Variants in DCAF1 observed in about 807,000 individuals in gnomAD.
The protein encoded by DCAF1 is DDB1- and CUL4-associated factor 1.
A neutral mutation model predicts 128.0 loss-of-function variants in DCAF1; 15 were observed. The observed-to-expected ratio is 0.12, with a 90% confidence interval of 0.08 to 0.18. DCAF1 has a LOEUF of 0.18. DCAF1 is among the 10% of genes least tolerant of loss of function. The probability of loss-of-function intolerance (pLI) is 1.00; values close to 1 mark genes in which losing one functional copy is unlikely to be tolerated. For synonymous variants in DCAF1, 610 were observed against 603.0 expected, an observed-to-expected ratio of 1.01 and a Z score of -0.17; for missense variants, 988 against 1,649.5, an observed-to-expected ratio of 0.60 and a Z score of 6.95.
intron 6 of DCAF1, among the ~76,000 whole-genome samples, chr3:51,450,293 A>G (rs536152801): frequency 6.6e-6 from 1 of 152,238 alleles, no homozygotes; most frequent in Non-Finnish European, 1.5e-5. Context: ...CAGCATTACC[A>G]AAGCTAAAGA....
rs1222116428 is a variant in DCAF1, at chr3:51,429,318, C to T, written c.1620G>A (p.Lys540=). ...AHLAIKLEQV[K]QSLQRTEGGI... ...CACCCTCAGTCCTCTGAAGTGACTG[C>T]TTCACTTGTTCCAATTTAATGGCCA... Residue 540 remains lysine (K), a synonymous_variant, in exon 12 of 25, where the codon AAG becomes AAA. Coordinates refer to ENST00000684031, the MANE Select transcript of DCAF1 (RefSeq NM_001387579.1). 5.1e-6 allele frequency: 4 copies of T among 780,834 alleles called. No individual in the cohort carries two copies. Among genetic ancestry groups the T allele is most frequent in the Admixed American group, 3.4e-5 (2 of 59,020 alleles). The allele number at this position is 780,834 out of a possible 1,614,324, so 48.4% of individuals were successfully genotyped here.
chr3:51,483,679 G>C, intron 3 of DCAF1, 40 bp downstream of exon 3: 1 of 1,371,644 alleles, frequency 7.3e-7, no homozygotes, highest in Non-Finnish European at 1.0e-6. Context: ...TTGTGTCCGA[G>C]GTTTTTTATT....
chr3:51,462,098 A>G lies in DCAF1; in HGVS notation c.375+1016T>C, dbSNP rs12631677. On this transcript the variant is annotated intron_variant, in intron 6 of 24. Coordinates refer to ENST00000684031, the MANE Select transcript of DCAF1 (RefSeq NM_001387579.1). ...TTAAAAAAAAAAGAAAAGAAAAAAA[A>G]CCACACAACATATAATCTCAAGATT... is the stretch of plus-strand genomic sequence containing the variant. 1.5e-4 allele frequency among the ~76,000 whole-genome samples: 23 copies of G among 152,118 alleles called. No individual in the cohort carries two copies. In the East Asian group the frequency reaches 3.5e-3, roughly 23 times the overall value.
intron 23 of DCAF1, among the ~76,000 whole-genome samples, chr3:51,405,853 CTAAAAATAAT>C (rs752612527): frequency 4.6e-5 from 7 of 152,084 alleles, no homozygotes; most frequent in Non-Finnish European, 8.8e-5. Flanking sequence ...AAAGTAAAAA[CTAAAAATAAT>C]TATTTAATGA....
chr3:51,482,163 T>C lies in DCAF1; in HGVS notation c.110+1556A>G, dbSNP rs191489061. On this transcript the variant is annotated intron_variant, in intron 3 of 24. Coordinates refer to ENST00000684031, the MANE Select transcript of DCAF1 (RefSeq NM_001387579.1). ...TTCAGGTATCTGTAGAAGAGCCAAG[T>C]AGGCCAGCACTGTGGCTTCGCCTGT... is the stretch of plus-strand genomic sequence containing the variant. 5.2e-4 allele frequency among the ~76,000 whole-genome samples: 79 copies of C among 152,052 alleles called. 1 individual carries two copies. Among genetic ancestry groups the C allele is most frequent in the African/African-American group, 1.8e-3 (76 of 41,496 alleles).
At chr3:51,483,880 A>T in intron 2 of DCAF1, 44 bp from the exon 3 acceptor site, 3 of 1,331,980 alleles carry the variant, frequency 2.3e-6, no homozygotes, top group Non-Finnish European at 3.2e-6. Flanking sequence ...CCAATAAATG[A>T]ACACAAGCAA....
chr3:51,439,645 T>C (rs201125134), intron 9 of DCAF1, among the ~76,000 whole-genome samples: 99 of 152,206 alleles, frequency 6.5e-4, no homozygotes, highest in Non-Finnish European at 1.3e-3. Flanking sequence ...TTCTGGTTTC[T>C]ATTTTGTTAA....
intron 13 of DCAF1, among the ~76,000 whole-genome samples, chr3:51,424,807 G>T (rs1553633682): frequency 6.6e-6 from 1 of 152,132 alleles, no homozygotes; most frequent in Non-Finnish European, 1.5e-5. Context: ...TATTATTTAT[G>T]AACACACAGA....
At chr3:51,482,265 G>C (rs1706297241) in intron 3 of DCAF1, among the ~76,000 whole-genome samples, 1 of 149,868 alleles carries the variant, frequency 6.7e-6, no homozygotes. Flanking sequence ...GGTAACACAG[G>C]GAGACCCTCC....
In DCAF1 at chr3:51,429,203, C is replaced by T. The variant is rs1700164081; in HGVS notation, c.1677+58G>A. 7.0e-6 allele frequency: 5 copies of T among 713,966 alleles called. No individual in the cohort carries two copies. In the Admixed American group the frequency reaches 8.0e-5, roughly 11 times the overall value. 44.2% of individuals were successfully genotyped at this position (713,966 alleles called of 1,614,324 possible). A position where few individuals can be genotyped will look rare whatever the true frequency, so the allele number is the denominator to read the frequency against. The stretch of plus-strand genomic sequence containing the variant: ...ACTGATCTGAATGTGAGTTTCAGGA[C>T]TGAGATGCTACAGAGAGGGCTAACA... On this transcript the variant is annotated intron_variant, in intron 12 of 24. Coordinates refer to ENST00000684031, the MANE Select transcript of DCAF1 (RefSeq NM_001387579.1).
intron 23 of DCAF1, among the ~76,000 whole-genome samples, chr3:51,407,294 T>C (rs1013401301): frequency 2.6e-5 from 4 of 152,184 alleles, no homozygotes; most frequent in African/African-American, 9.7e-5. Context: ...TTAAAGGCTA[T>C]AGGTTCACTT....
At chr3:51,444,036 C>A (rs1398391416) in intron 6 of DCAF1, 133 bp from the exon 7 acceptor site, 1 of 732,460 alleles carries the variant, frequency 1.4e-6, no homozygotes, top group Non-Finnish European at 2.1e-6. Flanking sequence ...AGTACTACTA[C>A]AGCATCCAAT....
At chr3:51,466,559 C>T (rs575949376) in intron 5 of DCAF1, among the ~76,000 whole-genome samples, 1 of 152,128 alleles carries the variant, frequency 6.6e-6, no homozygotes, top group African/African-American at 2.4e-5. Context: ...CTGAAGAGGG[C>T]CCCTATATTC....
intron 16 of DCAF1, 116 bp downstream of exon 16, chr3:51,418,562 T>C (rs1699105388): frequency 1.4e-6 from 2 of 1,471,306 alleles, no homozygotes; most frequent in East Asian, 2.4e-5. Context: ...AACTAGACTT[T>C]CCAGTTGAGG....
chr3:51,476,646 G>A (rs185865251), intron 3 of DCAF1, among the ~76,000 whole-genome samples: 1 of 150,820 alleles, frequency 6.6e-6, no homozygotes, highest in Admixed American at 6.6e-5. Context: ...GGGAGGCTGA[G>A]GCGGGCAGAT....
intron 1 of DCAF1, 110 bp downstream of exon 1, chr3:51,499,763 A>C (rs1553663339): frequency 6.8e-6 from 1 of 146,984 alleles, no homozygotes; most frequent in Non-Finnish European, 1.5e-5. Flanking sequence ...CGGCCCAAGC[A>C]GGTGCCGCCC....
Position 51,433,204 on chromosome 3 carries a change from C to T in DCAF1, c.1189G>A (p.Val397Ile), listed in dbSNP as rs1333429532. The T allele has an allele frequency of 5.0e-6, 2 of 398,410 alleles. No individual in the cohort carries two copies. Among genetic ancestry groups the T allele is most frequent in the African/African-American group, 4.1e-5 (2 of 48,620 alleles). 24.7% of individuals were successfully genotyped at this position (398,410 alleles called of 1,614,324 possible). The change falls in exon 10 of 25, where the codon GTA becomes ATA. Residue 397 changes from valine (V) to isoleucine (I), a missense_variant. Physicochemically the swap from Val to Ile is conservative, Grantham distance 29 (BLOSUM62 3). Transcript: ENST00000684031. ...FATEFVAHGG[V>I]QKLLEIPRPS... ...CGAGGTATTTCCAGTAATTTCTGTA[C>T]TCCACCATGCGCAACAAATTCTGTG...
intron 5 of DCAF1, among the ~76,000 whole-genome samples, chr3:51,465,380 G>A (rs1301765887): frequency 3.3e-5 from 5 of 152,214 alleles, no homozygotes; most frequent in East Asian, 1.9e-4. Flanking sequence ...GTCTAGAAGT[G>A]ATCTGAAACT....
intron 10 of DCAF1, among the ~76,000 whole-genome samples, chr3:51,430,657 A>C (rs1700286039): frequency 6.6e-6 from 1 of 152,232 alleles, no homozygotes; most frequent in South Asian, 2.1e-4. Context: ...TCAGAAAATG[A>C]AACTGTAAAG....
Sources: gnomAD v4.1 joint callset for allele counts (sites outside exome capture counted in the v4.1 genomes callset) on GRCh38, gnomAD v4.1.1 for gene constraint, MANE v1.5 for transcripts, NCBI Gene and HGNC (gene_info 2026-07-23, HGNC 2026-07-21) for gene names.